The following LUC7L2 variants were observed in gnomAD, a reference collection of about 807,000 sequenced individuals.
The protein encoded by LUC7L2 is putative RNA-binding protein Luc7-like 2.
In LUC7L2, 25 loss-of-function variants were observed where a neutral mutation model predicts 52.8. The observed-to-expected ratio is 0.47, with a 90% CI of 0.34 to 0.66. The LOEUF (loss-of-function observed/expected upper bound fraction) is 0.66. Among genes scored for constraint, LUC7L2 ranks in the 30% least tolerant of loss-of-function variants. The pLI is 0.01. For synonymous variants in LUC7L2, 144 were observed against 160.9 expected, an observed-to-expected ratio of 0.89 and a Z score of 0.80; for missense variants, 328 against 497.8, an observed-to-expected ratio of 0.66 and a Z score of 3.25.
rs960466603 is a variant in LUC7L2, at chr7:139,412,006, G to A, written c.780-545G>A. Reference sequence around the variant, plus strand: ...CTTCAAAATCTGAAACTTCTTGAGTGCTGGCAGCATTTAAAGGAGATGCTT... The same window carrying A: ...CTTCAAAATCTGAAACTTCTTGAGTACTGGCAGCATTTAAAGGAGATGCTT... On this transcript the variant is annotated intron_variant, in intron 7 of 9. Coordinates refer to ENST00000354926, the MANE Select transcript of LUC7L2 (RefSeq NM_016019.5). Among the ~76,000 whole-genome samples the A allele has an allele frequency of 2.0e-5, 3 of 152,078 alleles. No homozygotes were observed. The East Asian group carries it at 5.8e-4, about 29-fold the overall frequency.
intron 2 of LUC7L2, among the ~76,000 whole-genome samples, chr7:139,385,248 T>G (rs111464689): frequency 0.028 from 4,220 of 152,044 alleles, 101 homozygotes; most frequent in African/African-American, 0.056. Context: ...ATCACATATA[T>G]TCCCCCTGCA....
At chr7:139,398,916 T>C (rs1032124578) in intron 3 of LUC7L2, among the ~76,000 whole-genome samples, 1 of 152,210 alleles carries the variant, frequency 6.6e-6, no homozygotes, top group Non-Finnish European at 1.5e-5. Flanking sequence ...ATGATTCATA[T>C]ATTCTTTTGG....
At chr7:139,387,423 G>A (rs765279706) in intron 2 of LUC7L2, among the ~76,000 whole-genome samples, 2 of 151,916 alleles carry the variant, frequency 1.3e-5, no homozygotes, top group Non-Finnish European at 2.9e-5. Flanking sequence ...TTGAACTCCT[G>A]CTCACCTTGG....
chr7:139,362,161 G>A (rs1159347532), intron 1 of LUC7L2, among the ~76,000 whole-genome samples: 3 of 151,566 alleles, frequency 2.0e-5, no homozygotes, highest in East Asian at 1.9e-4. Flanking sequence ...TCATATTTAC[G>A]AGTCCACAGT....
intron 2 of LUC7L2, among the ~76,000 whole-genome samples, chr7:139,377,334 A>G (rs1412981897): frequency 6.6e-6 from 1 of 151,994 alleles, no homozygotes; most frequent in Non-Finnish European, 1.5e-5. Context: ...CCTCCGGTGT[A>G]GCTGGAATCA....
intron 9 of LUC7L2, among the ~76,000 whole-genome samples, chr7:139,420,626 G>C (rs534011611): frequency 6.6e-6 from 1 of 152,348 alleles, no homozygotes; most frequent in African/African-American, 2.4e-5. Context: ...AAACCACTAT[G>C]TGTGGGACAT....
In LUC7L2 at chr7:139,405,504, A is replaced by G. The variant is rs1795079915; in HGVS notation, c.367-140A>G. The G allele has an allele frequency of 1.0e-5, 11 of 1,103,272 alleles. No individual in the cohort carries two copies. The Admixed American group carries it at 3.2e-4, about 32-fold the overall frequency. The allele number at this position is 1,103,272 out of a possible 1,614,324, so 68.3% of individuals were successfully genotyped here. A position where few individuals can be genotyped will look rare whatever the true frequency, so the allele number is the denominator to read the frequency against. ...GAACATCCTGATGTCTCAGTAGTTC[A>G]TTTGGGATACGCTCAGAAAGCATTC... On this transcript the variant is annotated intron_variant, in intron 4 of 9. Transcript: ENST00000354926.
intron 1 of LUC7L2, among the ~76,000 whole-genome samples, chr7:139,369,654 T>G (rs1429584258): frequency 6.6e-6 from 1 of 152,220 alleles, no homozygotes; most frequent in Non-Finnish European, 1.5e-5. Flanking sequence ...TCTTATAATC[T>G]TGTGATATGG....
chr7:139,370,425 T>C (rs199946409), intron 1 of LUC7L2, among the ~76,000 whole-genome samples: 1 of 152,158 alleles, frequency 6.6e-6, no homozygotes, highest in East Asian at 1.9e-4. Flanking sequence ...TAATCATCGC[T>C]TTTACTTTGA....
At chr7:139,417,435 A>G in intron 8 of LUC7L2, 103 bp from the exon 9 acceptor site, 1 of 1,425,658 alleles carries the variant, frequency 7.0e-7, no homozygotes, top group Non-Finnish European at 9.5e-7. Flanking sequence ...TATAATTGAC[A>G]TTAAGACTAC....
intron 6 of LUC7L2, 113 bp downstream of exon 6, chr7:139,407,463 ATAC>A: frequency 8.0e-7 from 1 of 1,242,960 alleles, no homozygotes; most frequent in Non-Finnish European, 1.1e-6. Context: ...CTAATGATTA[ATAC>A]TAAACAGTGT....
At chr7:139,350,042 A>G (rs1209805559) in intron 1 of LUC7L2, among the ~76,000 whole-genome samples, 1 of 151,932 alleles carries the variant, frequency 6.6e-6, no homozygotes, top group African/African-American at 2.4e-5. Context: ...CTTTTCCAGT[A>G]TTTTATCTAA....
intron 2 of LUC7L2, among the ~76,000 whole-genome samples, chr7:139,379,950 G>A (rs1026089615): frequency 1.4e-4 from 21 of 151,982 alleles, no homozygotes; most frequent in Non-Finnish European, 2.5e-4. Context: ...TTGGGAGGCC[G>A]ATCACTTGAG....
intron 1 of LUC7L2, among the ~76,000 whole-genome samples, chr7:139,360,589 C>T (rs934011745): frequency 6.6e-6 from 1 of 152,134 alleles, no homozygotes; most frequent in Non-Finnish European, 1.5e-5. Context: ...TTAATGTTGA[C>T]TTGGCTGAGA....
At chr7:139,375,258 G>A (rs1800649839) in intron 1 of LUC7L2, 1 of 984,654 alleles carries the variant, frequency 1.0e-6, no homozygotes, top group Admixed American at 6.2e-5. Context: ...TGATAAGCAG[G>A]TTGGATGCTT....
At chr7:139,405,188 G>T (rs1795066950) in intron 4 of LUC7L2, among the ~76,000 whole-genome samples, 1 of 152,238 alleles carries the variant, frequency 6.6e-6, no homozygotes, top group Non-Finnish European at 1.5e-5. Context: ...GTTGTATCTT[G>T]TTGGAACGAG....
intron 2 of LUC7L2, among the ~76,000 whole-genome samples, chr7:139,395,263 A>T (rs1253441994): frequency 1.3e-5 from 2 of 152,142 alleles, no homozygotes; most frequent in Non-Finnish European, 2.9e-5. Flanking sequence ...CATTCCTGTT[A>T]TATTTTCTGG....
intron 2 of LUC7L2, among the ~76,000 whole-genome samples, chr7:139,395,980 A>G (rs1286903325): frequency 6.6e-6 from 1 of 152,124 alleles, no homozygotes; most frequent in African/African-American, 2.4e-5. Context: ...TTTAATAGTC[A>G]CAACATCTAA....
At chr7:139,342,150 G>C (rs1173037893) in intron 1 of LUC7L2, among the ~76,000 whole-genome samples, 1 of 151,818 alleles carries the variant, frequency 6.6e-6, no homozygotes, top group Non-Finnish European at 1.5e-5. Context: ...TCTGTGCTAG[G>C]AACCTGGTCT....
Sources: gnomAD v4.1 joint callset for allele counts (sites outside exome capture counted in the v4.1 genomes callset) on GRCh38, gnomAD v4.1.1 for gene constraint, MANE v1.5 for transcripts, NCBI Gene and HGNC (gene_info 2026-07-23, HGNC 2026-07-21) for gene names.